Variants in KHDRBS2 observed in about 807,000 individuals in gnomAD.
KHDRBS2 encodes KH domain-containing, RNA-binding, signal transduction-associated protein 2.
In KHDRBS2, 26 loss-of-function variants were observed where a neutral mutation model predicts 44.3. That is an observed-to-expected ratio of 0.59 (90% CI 0.43 to 0.81). The LOEUF is 0.81. KHDRBS2 is among the 40% of genes least tolerant of loss of function. The pLI is 0.00. For synonymous variants in KHDRBS2, 194 were observed against 151.1 expected (o/e 1.28, Z -2.08); for missense variants, 476 against 433.1 (o/e 1.10, Z -0.88).
chr6:61,841,349 A>T (rs1468839211), intron 6 of KHDRBS2, among the ~76,000 whole-genome samples: 2 of 152,166 alleles, frequency 1.3e-5, no homozygotes, highest in African/African-American at 4.8e-5. Context: ...TTGGGTACAT[A>T]CTTCTTGAAT....
At chr6:61,631,559 T>A in the KHDRBS2 span, among the ~76,000 whole-genome samples, 2 of 152,102 alleles carry the variant, frequency 1.3e-5, no homozygotes, top group Non-Finnish European at 2.9e-5. Flanking sequence ...TGTTCAGAGA[T>A]GAGTTGGTAT....
At chr6:61,570,608 G>A in the KHDRBS2 span, among the ~76,000 whole-genome samples, 89,812 of 151,840 alleles carry the variant, frequency 0.59, 26,756 homozygotes, top group African/African-American at 0.61. Context: ...CATCACCCAG[G>A]CACATAGTCA....
intron 1 of KHDRBS2, among the ~76,000 whole-genome samples, chr6:62,273,661 G>T (rs767417737): frequency 6.6e-6 from 1 of 151,926 alleles, no homozygotes; most frequent in Non-Finnish European, 1.5e-5. Context: ...CTACTCCAAA[G>T]GTCAATTATC....
chr6:62,068,710 A>T lies in KHDRBS2; in HGVS notation c.220-20716T>A, dbSNP rs182764072. The stretch of plus-strand genomic sequence containing the variant: ...TAGTGCTCCAACTTCATTGCTTTAC[A>T]TGTGACTAACCAGTTTTCCCAGTAC... On this transcript the variant is annotated intron_variant, in intron 2 of 8. Transcript: ENST00000281156. 2.0e-5 allele frequency among the ~76,000 whole-genome samples: 3 copies of T among 151,706 alleles called. No individual in the cohort carries two copies. In the East Asian group the frequency reaches 5.9e-4, roughly 30 times the overall value.
intron 6 of KHDRBS2, among the ~76,000 whole-genome samples, chr6:61,830,866 C>T (rs571483111): frequency 6.0e-4 from 91 of 152,246 alleles, no homozygotes; most frequent in African/African-American, 2.0e-3. Context: ...ATAATTTAGA[C>T]ATCTGTAACA....
At chr6:62,093,892 G>GTA (rs1491010512) in intron 2 of KHDRBS2, among the ~76,000 whole-genome samples, 2 of 126,294 alleles carry the variant, frequency 1.6e-5, no homozygotes, top group African/African-American at 6.1e-5. Flanking sequence ...GTGTGTGTGT[G>GTA]TATATCACAT....
the KHDRBS2 span, among the ~76,000 whole-genome samples, chr6:61,674,288 T>A: frequency 6.6e-6 from 1 of 151,766 alleles, no homozygotes; most frequent in African/African-American, 2.4e-5. Flanking sequence ...ATTCTTCATA[T>A]TGCTGCAGAA....
chr6:62,182,496 G>T (rs1822533305), intron 1 of KHDRBS2, among the ~76,000 whole-genome samples: 1 of 151,902 alleles, frequency 6.6e-6, no homozygotes, highest in Non-Finnish European at 1.5e-5. Context: ...AATGTAGTGG[G>T]ATGAAACTTT....
At chr6:62,228,899 C>T (rs144218216) in intron 1 of KHDRBS2, among the ~76,000 whole-genome samples, 31 of 152,220 alleles carry the variant, frequency 2.0e-4, no homozygotes, top group African/African-American at 7.0e-4. Flanking sequence ...TCTCTGACCT[C>T]GAGGGGCACC....
At chr6:61,645,279 A>G in the KHDRBS2 span, among the ~76,000 whole-genome samples, 1 of 152,074 alleles carries the variant, frequency 6.6e-6, no homozygotes, top group African/African-American at 2.4e-5. Context: ...ATATGGACAC[A>G]TAGAATGGGA....
intron 4 of KHDRBS2, among the ~76,000 whole-genome samples, chr6:61,941,151 C>A (rs1371686564): frequency 2.0e-5 from 3 of 152,124 alleles, no homozygotes; most frequent in African/African-American, 7.2e-5. Context: ...AAGGGGATTG[C>A]CGAGCTGAGT....
At chr6:62,073,238 C>T (rs1171024627) in intron 2 of KHDRBS2, among the ~76,000 whole-genome samples, 2 of 151,732 alleles carry the variant, frequency 1.3e-5, no homozygotes, top group African/African-American at 4.8e-5. Context: ...TTTATCTGTA[C>T]ATGTCATAGT....
the KHDRBS2 span, among the ~76,000 whole-genome samples, chr6:61,653,043 G>T: frequency 2.0e-5 from 3 of 152,098 alleles, no homozygotes; most frequent in East Asian, 5.8e-4. Context: ...ACAGAGCATG[G>T]CTGAGCTCAT....
the KHDRBS2 span, among the ~76,000 whole-genome samples, chr6:61,623,401 C>T: frequency 1.3e-5 from 2 of 152,068 alleles, no homozygotes; most frequent in Non-Finnish European, 2.9e-5. Context: ...TAACACAGGT[C>T]TCTGGAGTTC....
At chr6:62,089,828 G>T (rs1206741087) in intron 2 of KHDRBS2, among the ~76,000 whole-genome samples, 1 of 152,050 alleles carries the variant, frequency 6.6e-6, no homozygotes, top group Non-Finnish European at 1.5e-5. Flanking sequence ...ATTTTTTGAA[G>T]ACTATTGTTT....
intron 1 of KHDRBS2, among the ~76,000 whole-genome samples, chr6:62,207,411 T>A (rs1182328810): frequency 6.6e-6 from 1 of 152,104 alleles, no homozygotes; most frequent in East Asian, 1.9e-4. Flanking sequence ...CCTACCAGTT[T>A]AAGCTTATAA....
chr6:61,662,873 C>T, the KHDRBS2 span, among the ~76,000 whole-genome samples: 1 of 151,680 alleles, frequency 6.6e-6, no homozygotes, highest in Non-Finnish European at 1.5e-5. Context: ...CTAGAAATAC[C>T]ATTTGACCCA....
At chr6:61,674,269 T>C in the KHDRBS2 span, among the ~76,000 whole-genome samples, 1 of 151,800 alleles carries the variant, frequency 6.6e-6, no homozygotes, top group African/African-American at 2.4e-5. Flanking sequence ...TATCATTTTT[T>C]ACATCAATAT....
At chr6:62,133,002 T>C (rs1810679122) in intron 2 of KHDRBS2, among the ~76,000 whole-genome samples, 1 of 152,230 alleles carries the variant, frequency 6.6e-6, no homozygotes, top group Non-Finnish European at 1.5e-5. Flanking sequence ...TTTCAGACCA[T>C]GTGGTCTCTT....
Sources: gnomAD v4.1 joint callset for allele counts (sites outside exome capture counted in the v4.1 genomes callset) on GRCh38, gnomAD v4.1.1 for gene constraint, MANE v1.5 for transcripts, NCBI Gene and HGNC (gene_info 2026-07-23, HGNC 2026-07-21) for gene names.